Variants in DNAH2 observed in about 807,000 individuals in gnomAD.
DNAH2 encodes the protein dynein axonemal heavy chain 2.
DNAH2 carries 323 observed loss-of-function variants against 523.5 expected under a neutral mutation model. The ratio of observed to expected loss-of-function variants is 0.62; its 90% CI spans 0.56 to 0.68. DNAH2 has a LOEUF of 0.68. Among genes scored for constraint, DNAH2 ranks in the 30% least tolerant of loss-of-function variants. DNAH2 has a pLI of 0.00. For missense variants in DNAH2, 4,907 were observed against 5,701.5 expected (o/e 0.86, Z 4.49); for synonymous variants, 2,093 against 2,177.4 (o/e 0.96, Z 1.08).
intron 1 of DNAH2, among the ~76,000 whole-genome samples, chr17:7,719,480 T>G (rs1275236424): frequency 6.6e-6 from 1 of 152,124 alleles, no homozygotes; most frequent in Non-Finnish European, 1.5e-5. Flanking sequence ...GGGACTGACT[T>G]TGATTTTTAG....
chr17:7,816,688 G>A lies in DNAH2; in HGVS notation c.9847G>A (p.Val3283Met), dbSNP rs200355466. 6.8e-6 allele frequency: 11 copies of A among 1,614,222 alleles called. No homozygotes were observed. The Admixed American group carries it at 8.3e-5, about 12-fold the overall frequency. Reference protein sequence around the residue: ...ELKLERAGMLVSGLAGEKARW... With the variant: ...ELKLERAGMLMSGLAGEKARW... ...GAAGCTGGAGCGAGCTGGGATGCTC[G>A]TGTCGGGGTTGGCTGGCGAGAAGGC... Residue 3283 changes from valine to methionine, a missense_variant, in exon 64 of 86, where the codon GTG becomes ATG. Transcript: ENST00000572933.
intron 22 of DNAH2, 85 bp downstream of exon 22, chr17:7,766,566 T>G: frequency 2.8e-6 from 4 of 1,408,052 alleles, no homozygotes; most frequent in Non-Finnish European, 2.8e-6. Flanking sequence ...ACAAAGGCAG[T>G]GGGAAGGGAG....
intron 49 of DNAH2, among the ~76,000 whole-genome samples, chr17:7,795,664 T>TATATAA (rs1555563797): frequency 6.9e-6 from 1 of 145,430 alleles, no homozygotes; most frequent in Non-Finnish European, 1.5e-5. Flanking sequence ...TATATATATA[T>TATATAA]AATATTTATA....
At chr17:7,731,921 C>T (rs573128882) in intron 4 of DNAH2, among the ~76,000 whole-genome samples, 14 of 150,822 alleles carry the variant, frequency 9.3e-5, no homozygotes, top group East Asian at 2.0e-4. Flanking sequence ...CCTAGCTACT[C>T]GGGAGGCTGA....
chr17:7,734,386 T>A, intron 6 of DNAH2, 84 bp from the exon 7 acceptor site: 1 of 1,597,034 alleles, frequency 6.3e-7, no homozygotes, highest in South Asian at 1.1e-5. Flanking sequence ...GGTTAGGAGG[T>A]CTCTGTCGGG....
intron 12 of DNAH2, among the ~76,000 whole-genome samples, chr17:7,745,720 A>G (rs1467594510): frequency 6.7e-6 from 1 of 149,724 alleles, no homozygotes; most frequent in East Asian, 2.0e-4. Flanking sequence ...AGCCCAGGAT[A>G]TTGAGGCTGC....
At position 7,820,014 on chromosome 17, in the gene DNAH2, G is replaced by T. The variant is rs548815642; in HGVS notation, c.11015+606G>T. On this transcript the variant is annotated intron_variant, in intron 72 of 85. Coordinates refer to ENST00000572933, the MANE Select transcript of DNAH2 (RefSeq NM_020877.5). ...TGTACAGAAAGGGTCTCCCTATGTTGCCCTGGCTCGTCTCAAACTCCTGAG... is the reference window on the plus strand; with the variant it reads ...TGTACAGAAAGGGTCTCCCTATGTTTCCCTGGCTCGTCTCAAACTCCTGAG... Among the ~76,000 whole-genome samples the T allele has an allele frequency of 2.3e-4, 35 of 152,204 alleles. No individual in the cohort carries two copies. In the East Asian group the frequency reaches 5.8e-3, roughly 25 times the overall value.
At position 7,798,116 on chromosome 17, in the gene DNAH2, G is replaced by T. The variant is rs1567717665; in HGVS notation, c.8231-41G>T. ...TAGGGCCTGGAGGTCCCCTGAGTTT[G>T]CTCAGCCAACTCATTACCCTCACAC... On this transcript the variant is annotated intron_variant, in intron 53 of 85. Transcript: ENST00000572933. This position sits in a 1 kb window ranked among gnomAD's most constrained non-coding sequence, Gnocchi z 5.5. The T allele has an allele frequency of 1.3e-6, 2 of 1,540,866 alleles. No individual in the cohort carries two copies. Among genetic ancestry groups the T allele is most frequent in the South Asian group, 2.5e-5 (2 of 80,422 alleles).
intron 48 of DNAH2, among the ~76,000 whole-genome samples, chr17:7,793,893 G>A (rs1198632139): frequency 1.2e-4 from 18 of 152,126 alleles, no homozygotes; most frequent in Admixed American, 9.8e-4. Context: ...ACACACACAC[G>A]TGTATAGATA....
Position 7,817,394 on chromosome 17 carries a change from C to G in DNAH2, c.9999C>G (p.Val3333=). 6.2e-7 allele frequency: 1 copy of G among 1,613,924 alleles called. No individual in the cohort carries two copies. Among genetic ancestry groups the G allele is most frequent in the Non-Finnish European group, 8.5e-7 (1 of 1,179,990 alleles). Residue 3333 remains valine, a synonymous_variant, in exon 65 of 86, where the codon GTC becomes GTG. Coordinates refer to ENST00000572933, the MANE Select transcript of DNAH2 (RefSeq NM_020877.5). ...TGACCAACTACCGGGATGAGATTGT[C>G]AACCAAATCTGGATCGGGAAGGTGA... ...PFLTNYRDEI[V]NQIWIGKIWE...
intron 77 of DNAH2, 58 bp downstream of exon 77, chr17:7,824,785 C>A: frequency 7.4e-7 from 1 of 1,353,778 alleles, no homozygotes. Context: ...TTACCTCCTG[C>A]TAGCACCAGA....
chr17:7,751,039 G>C (rs1398684573), intron 12 of DNAH2, among the ~76,000 whole-genome samples: 1 of 152,068 alleles, frequency 6.6e-6, no homozygotes, highest in African/African-American at 2.4e-5. Flanking sequence ...CATATCTTCA[G>C]GTCGTGGGAA....
intron 12 of DNAH2, among the ~76,000 whole-genome samples, chr17:7,748,403 T>G (rs1314969040): frequency 4.6e-5 from 7 of 152,184 alleles, no homozygotes. Flanking sequence ...ACCACTCAAT[T>G]CCTCTGGCTT....
chr17:7,734,756 G>T, intron 7 of DNAH2, 48 bp downstream of exon 7: 2 of 1,586,212 alleles, frequency 1.3e-6, no homozygotes, highest in South Asian at 2.2e-5. Context: ...AGTGGGCAAT[G>T]GTTGGGATGA....
chr17:7,824,686 A>G lies in DNAH2; in HGVS notation c.11812A>G (p.Ile3938Val), dbSNP rs371363376. The G allele has an allele frequency of 6.3e-7, 1 of 1,596,004 alleles. No homozygotes were observed. Among genetic ancestry groups the G allele is most frequent in the African/African-American group, 1.3e-5 (1 of 74,380 alleles). ...CCCCCACCCAGACTTCCCTATCTCA[A>G]TCTTGCAGGTCAGCATCAAGATGAC... Reference protein sequence around the residue: ...SIPHPDFPISILQVSIKMTTE... With the variant: ...SIPHPDFPISVLQVSIKMTTE... The change falls in exon 77 of 86, where the codon ATC becomes GTC. Residue 3938 changes from isoleucine to valine, a missense_variant. By Grantham distance (29) the Ile-to-Val change is conservative. This residue lies in a region of DNAH2 where 1,851 missense variants were observed against 2,139.4 expected (regional missense o/e 0.87). Coordinates refer to ENST00000572933, the MANE Select transcript of DNAH2 (RefSeq NM_020877.5).
chr17:7,830,369 C>G lies in DNAH2; in HGVS notation c.11923C>G (p.Pro3975Ala). ...SEPQFSRCSK[P>A]AKYKKLLFSL... is the part of the protein sequence containing the mutation. Reference sequence around the variant, plus strand: ...ACCACAGTTTTCCCGCTGCTCCAAACCTGCCAAATATAAGAAGCTGCTGTT... The same window carrying G: ...ACCACAGTTTTCCCGCTGCTCCAAAGCTGCCAAATATAAGAAGCTGCTGTT... The change falls in exon 78 of 86, where the codon CCT becomes GCT. Residue 3975 changes from proline to alanine, a missense_variant. Physicochemically the swap from Pro to Ala is conservative, Grantham distance 27 (BLOSUM62 -1). Coordinates refer to ENST00000572933, the MANE Select transcript of DNAH2 (RefSeq NM_020877.5). The G allele has an allele frequency of 6.2e-7, 1 of 1,614,242 alleles. No homozygotes were observed. The highest frequency in any genetic ancestry group is 8.5e-7 in the Non-Finnish European group (1 of 1,180,046).
intron 56 of DNAH2, among the ~76,000 whole-genome samples, chr17:7,801,272 C>T (rs1319198594): frequency 6.6e-6 from 1 of 152,150 alleles, no homozygotes; most frequent in South Asian, 2.1e-4. Flanking sequence ...ATCCCCCAAC[C>T]ATCCTAGTCA....
chr17:7,817,453 A>G (rs758250408), intron 65 of DNAH2, 38 bp downstream of exon 65: 4 of 1,613,452 alleles, frequency 2.5e-6, no homozygotes, highest in Non-Finnish European at 3.4e-6. Context: ...AGGCTCCGAG[A>G]CCAGGGCTGG....
At chr17:7,739,972 C>A in intron 9 of DNAH2, 34 bp downstream of exon 9, 2 of 1,605,354 alleles carry the variant, frequency 1.2e-6, no homozygotes, top group Non-Finnish European at 1.7e-6. Context: ...CAGGCGTGGG[C>A]AGGGAAGGCA....
Sources: gnomAD v4.1 joint callset for allele counts (sites outside exome capture counted in the v4.1 genomes callset) on GRCh38, gnomAD v4.1.1 for gene constraint, gnomAD v4.1.1 regional missense constraint, Gnocchi (gnomAD v3.1) non-coding constraint, MANE v1.5 for transcripts, NCBI Gene and HGNC (gene_info 2026-07-23, HGNC 2026-07-21) for gene names.